The following CEMIP variants were observed in gnomAD, a reference collection of about 807,000 sequenced individuals.
CEMIP encodes the protein cell migration-inducing and hyaluronan-binding protein.
A neutral mutation model predicts 156.9 loss-of-function variants in CEMIP; 105 were observed. The observed-to-expected ratio is 0.67, with a 90% CI of 0.57 to 0.79. The LOEUF (loss-of-function observed/expected upper bound fraction) is 0.79. Ranked by LOEUF, CEMIP falls within the 30% of genes least tolerant of loss-of-function variation. The pLI is 0.00. For missense variants in CEMIP, 1,457 were observed against 1,769.4 expected (o/e 0.82, Z 3.17); for synonymous variants, 676 against 668.4 (o/e 1.01, Z -0.17).
chr15:80,822,204 C>T (rs1191369108), intron 1 of CEMIP, among the ~76,000 whole-genome samples: 1 of 152,202 alleles, frequency 6.6e-6, no homozygotes, highest in African/African-American at 2.4e-5. Flanking sequence ...GATGTGTTTC[C>T]CATCAGTCCC....
rs547870736 is a variant in CEMIP, at chr15:80,826,604, G to A, written c.-175-46934G>A. On this transcript the variant is annotated intron_variant, in intron 1 of 29. Transcript: ENST00000394685. ...GTCTCTTGGCTTTTAAATTATGCAG[G>A]CCTCAAATTGCAGAGCCTCCACCTT... 3.3e-5 allele frequency among the ~76,000 whole-genome samples: 5 copies of A among 152,224 alleles called. No homozygotes were observed. In the South Asian group the frequency reaches 1.0e-3, roughly 32 times the overall value.
intron 1 of CEMIP, among the ~76,000 whole-genome samples, chr15:80,864,749 C>T (rs1898079292): frequency 6.6e-6 from 1 of 152,204 alleles, no homozygotes; most frequent in African/African-American, 2.4e-5. Context: ...TGACACTTAA[C>T]TGATGGCTGA....
At chr15:80,923,991 G>A (rs1900566319) in intron 17 of CEMIP, among the ~76,000 whole-genome samples, 1 of 152,186 alleles carries the variant, frequency 6.6e-6, no homozygotes, top group African/African-American at 2.4e-5. Flanking sequence ...AGAGAAATCT[G>A]AGTATGAGCA....
intron 24 of CEMIP, 80 bp downstream of exon 24, chr15:80,936,965 A>G: frequency 1.5e-6 from 2 of 1,333,160 alleles, no homozygotes; most frequent in South Asian, 2.4e-5. Context: ...CTTGCGTCTA[A>G]CGAAACCACA....
intron 28 of CEMIP, 42 bp from the exon 29 acceptor site, chr15:80,946,923 T>G: frequency 7.2e-7 from 1 of 1,390,508 alleles, no homozygotes; most frequent in Non-Finnish European, 1.0e-6. Context: ...CTTTCTCCAG[T>G]TTGCTCTCTC....
At chr15:80,790,470 C>T (rs921219144) in intron 1 of CEMIP, among the ~76,000 whole-genome samples, 7 of 152,176 alleles carry the variant, frequency 4.6e-5, no homozygotes, top group Non-Finnish European at 1.0e-4. Flanking sequence ...ACGCAGACAG[C>T]ATTGCATGCA....
At chr15:80,879,571 C>T in intron 4 of CEMIP, 145 bp from the exon 5 acceptor site, 1 of 944,098 alleles carries the variant, frequency 1.1e-6, no homozygotes, top group Admixed American at 1.8e-5. Flanking sequence ...CTTGTAAGTA[C>T]ACCAAGCATA....
Position 80,832,282 on chromosome 15 carries a change from C to G in CEMIP, c.-175-41256C>G, listed in dbSNP as rs143366829. ...TGTTGCCTATGTGTTACTATACAGA[C>G]AGGACTTCAGGTTTCTGGAGCTTTG... On this transcript the variant is annotated intron_variant, in intron 1 of 29. Transcript: ENST00000394685. 9.2e-4 allele frequency among the ~76,000 whole-genome samples: 136 copies of G among 147,294 alleles called. 1 individual carries two copies. The highest frequency in any genetic ancestry group is 1.4e-3 in the Non-Finnish European group (96 of 67,174).
intron 12 of CEMIP, among the ~76,000 whole-genome samples, chr15:80,898,831 A>C (rs1420757139): frequency 6.6e-6 from 1 of 151,846 alleles, no homozygotes; most frequent in Non-Finnish European, 1.5e-5. Context: ...CACTTCCCCC[A>C]CCCTTAGGCT....
chr15:80,877,083 C>T (rs911302232), intron 3 of CEMIP, among the ~76,000 whole-genome samples: 1 of 152,054 alleles, frequency 6.6e-6, no homozygotes, highest in Admixed American at 6.6e-5. Context: ...CTGATAAAAC[C>T]ATCAGATTTC....
intron 1 of CEMIP, among the ~76,000 whole-genome samples, chr15:80,818,053 A>G (rs1896827086): frequency 6.6e-6 from 1 of 152,204 alleles, no homozygotes. Context: ...TGGAATGACT[A>G]GCTGAAAGTG....
At chr15:80,814,892 T>C (rs1896756669) in intron 1 of CEMIP, among the ~76,000 whole-genome samples, 1 of 152,166 alleles carries the variant, frequency 6.6e-6, no homozygotes, top group Non-Finnish European at 1.5e-5. Context: ...CTCACTTTCT[T>C]GGCCAGCTGG....
intron 1 of CEMIP, among the ~76,000 whole-genome samples, chr15:80,839,289 AGTGTGTGTGTGTGTGTGTGTGTGTGT>A (rs34172431): frequency 7.6e-6 from 1 of 131,120 alleles, no homozygotes; most frequent in African/African-American, 3.1e-5. Flanking sequence ...CAAGGCCGTG[AGTGTGTGTGTGTGTGTGTGTGTGTGT>A]GTGTGTGTGT....
At chr15:80,889,361 C>T (rs1478704894) in intron 9 of CEMIP, 110 bp from the exon 10 acceptor site, 2 of 1,475,168 alleles carry the variant, frequency 1.4e-6, no homozygotes, top group Admixed American at 3.4e-5. Context: ...CAACCATGGA[C>T]AGATAATATT....
Position 80,925,750 on chromosome 15 carries a change from C to T in CEMIP, c.2415C>T (p.Ser805=), listed in dbSNP as rs1900637700. 1 of 1,612,554 alleles carries T rather than the reference C, an allele frequency of 6.2e-7. No individual in the cohort carries two copies. The highest frequency in any genetic ancestry group is 8.5e-7 in the Non-Finnish European group (1 of 1,179,888). The stretch of plus-strand genomic sequence containing the variant: ...GCGGCGGGGATGTGTGGCTGGACAG[C>T]TGCCGGTGAGTCAGAGCGGCGTGTG... ...WLRGGDVWLD[S]CRFADNGIGL... is the part of the protein sequence containing the mutation. Residue 805 remains serine, a synonymous_variant, in exon 19 of 30, where the codon AGC becomes AGT. Coordinates refer to ENST00000394685, the MANE Select transcript of CEMIP (RefSeq NM_001293298.2).
rs963900211 is a variant in CEMIP, at chr15:80,881,074, C to T, written c.555C>T (p.Gly185=). ...GCTATTTTTTTGAAAGGAGCTGGGG[C>T]CACCGTGGAGTTATTGTTCATGTCA... ...EGGYFFERSW[G]HRGVIVHVID... The change falls in exon 6 of 30, where the codon GGC becomes GGT. Residue 185 remains glycine, a synonymous_variant. Coordinates refer to ENST00000394685, the MANE Select transcript of CEMIP (RefSeq NM_001293298.2). The T allele has an allele frequency of 1.9e-5, 31 of 1,614,100 alleles. No homozygotes were observed. Among genetic ancestry groups the T allele is most frequent in the Non-Finnish European group, 2.4e-5 (28 of 1,180,048 alleles).
intron 17 of CEMIP, among the ~76,000 whole-genome samples, chr15:80,922,876 G>A (rs1216727490): frequency 6.6e-6 from 1 of 152,198 alleles, no homozygotes; most frequent in Non-Finnish European, 1.5e-5. Context: ...GACGCTCTTT[G>A]TTGGGGCAGA....
Position 80,889,505 on chromosome 15 carries a change from A to G in CEMIP, c.999A>G (p.Lys333=). The G allele has an allele frequency of 6.2e-7, 1 of 1,614,236 alleles. No individual in the cohort carries two copies. The highest frequency in any genetic ancestry group is 8.5e-7 in the Non-Finnish European group (1 of 1,180,032). ...VEWTEWFDHD[K]VSQTKGGEKI... is the part of the protein sequence containing the mutation. The stretch of plus-strand genomic sequence containing the variant: ...GGACGGAGTGGTTCGATCATGATAA[A>G]GTATCTCAGACTAAAGGTGGGGAGA... Residue 333 remains lysine (K), a synonymous_variant, in exon 10 of 30, where the codon AAA becomes AAG. Coordinates refer to ENST00000394685, the MANE Select transcript of CEMIP (RefSeq NM_001293298.2).
intron 23 of CEMIP, 45 bp from the exon 24 acceptor site, chr15:80,936,629 C>T (rs1282692526): frequency 1.3e-6 from 2 of 1,523,706 alleles, no homozygotes; most frequent in East Asian, 4.5e-5. Flanking sequence ...TGGAATAATC[C>T]TTCGTAATAG....
Sources: allele counts gnomAD v4.1 joint callset (sites outside exome capture counted in the v4.1 genomes callset), GRCh38; gene constraint gnomAD v4.1.1; transcripts MANE v1.5; gene names NCBI Gene and HGNC (gene_info 2026-07-23, HGNC 2026-07-21).